The following KIRREL3 variants were observed in gnomAD, a reference collection of about 807,000 sequenced individuals.
KIRREL3 encodes the protein kirre like nephrin family adhesion molecule 3.
KIRREL3 carries 36 observed loss-of-function variants against 89.7 expected under a neutral mutation model. That is an observed-to-expected ratio of 0.40 (90% confidence interval 0.31 to 0.53). The LOEUF (loss-of-function observed/expected upper bound fraction) is 0.53, where lower values mean the gene tolerates loss of function less well. Among genes scored for constraint, KIRREL3 ranks in the 20% least tolerant of loss-of-function variants. The pLI is 0.49. For missense variants in KIRREL3, 864 were observed against 1,056.6 expected (o/e 0.82, Z 2.53); for synonymous variants, 445 against 441.4 (o/e 1.01, Z -0.10).
In KIRREL3 at chr11:126,943,261, C is replaced by T. The variant is rs1390809651; in HGVS notation, c.55+57194G>A. 6.6e-6 allele frequency among the ~76,000 whole-genome samples: 1 copy of T among 152,180 alleles called. No individual in the cohort carries two copies. The highest frequency in any genetic ancestry group is 6.5e-5 in the Admixed American group (1 of 15,276). On this transcript the variant is annotated intron_variant, in intron 1 of 16. Coordinates refer to ENST00000525144, the MANE Select transcript of KIRREL3 (RefSeq NM_032531.4). The surrounding 1 kb of genome is among the most constrained non-coding windows in gnomAD (Gnocchi z 4.2). ...TAAAACATTCACCGTCATTCTTTCT[C>T]TCTTCTCACTCACTCAATTACAGTT...
At chr11:126,497,728 C>T (rs74737023) in intron 4 of KIRREL3, among the ~76,000 whole-genome samples, 192 of 152,346 alleles carry the variant, frequency 1.3e-3, no homozygotes, top group African/African-American at 4.4e-3. Flanking sequence ...GAAGAAGCCA[C>T]GCCAGTGCAC....
chr11:126,449,174 G>A lies in KIRREL3; in HGVS notation c.849-17C>T, dbSNP rs370747604. The A allele has an allele frequency of 1.2e-4, 200 of 1,612,372 alleles. No individual in the cohort carries two copies. The African/African-American group carries it at 2.4e-3, about 19-fold the overall frequency. On this transcript the variant is annotated splice_polypyrimidine_tract_variant and intron_variant, in intron 7 of 16. Coordinates refer to ENST00000525144, the MANE Select transcript of KIRREL3 (RefSeq NM_032531.4). ...TTGGCCCACCTGCAACAAAGGCCAGGGGCTGATGTGGGCCTTGAGTGGCAA... is the reference window on the plus strand; with the variant it reads ...TTGGCCCACCTGCAACAAAGGCCAGAGGCTGATGTGGGCCTTGAGTGGCAA...
rs571816311 is a variant in KIRREL3 at position 126,826,707 on chromosome 11, G to A, written c.55+173748C>T. 2.0e-5 allele frequency among the ~76,000 whole-genome samples: 3 copies of A among 152,274 alleles called. No homozygotes were observed. In the South Asian group the frequency reaches 6.2e-4, roughly 32 times the overall value. ...GTTCTGTGTTCTGGTCTGCAGCAAGGTAGAAGCCTATGGGGTTTCAACCTG... is the reference window on the plus strand; with the variant it reads ...GTTCTGTGTTCTGGTCTGCAGCAAGATAGAAGCCTATGGGGTTTCAACCTG... On this transcript the variant is annotated intron_variant, in intron 1 of 16. Transcript: ENST00000525144.
chr11:126,442,738 GC>G (rs1338848990), intron 10 of KIRREL3, among the ~76,000 whole-genome samples: 5 of 152,228 alleles, frequency 3.3e-5, no homozygotes, highest in African/African-American at 7.2e-5. Flanking sequence ...CAGACAGTTC[GC>G]CCCCTGGCAG....
In KIRREL3 at chr11:126,990,117, G is replaced by C. The variant is rs1303809787; in HGVS notation, c.55+10338C>G. Among the ~76,000 whole-genome samples, 9 of 152,130 alleles carry C rather than the reference G, an allele frequency of 5.9e-5. No individual in the cohort carries two copies. The highest frequency in any genetic ancestry group is 8.8e-5 in the Non-Finnish European group (6 of 68,006). On this transcript the variant is annotated intron_variant, in intron 1 of 16. Coordinates refer to ENST00000525144, the MANE Select transcript of KIRREL3 (RefSeq NM_032531.4). This position sits in a 1 kb window ranked among gnomAD's most constrained non-coding sequence, Gnocchi z 6.3. The stretch of plus-strand genomic sequence containing the variant: ...GGCCTGGAGGCGGCTCTAGGGAGAG[G>C]TAGGGGCTCTGGGCTGGCGGTCCCC...
At chr11:126,633,772 C>T (rs1944148622) in intron 1 of KIRREL3, among the ~76,000 whole-genome samples, 2 of 152,196 alleles carry the variant, frequency 1.3e-5, no homozygotes, top group Non-Finnish European at 2.9e-5. Flanking sequence ...GTCTTGTCTT[C>T]CTTTTCCATC....
rs530293609 is a variant in KIRREL3 at position 126,436,879 on chromosome 11, G to C, written c.1484C>G (p.Thr495Ser). The C allele has an allele frequency of 1.8e-5, 29 of 1,613,726 alleles. 1 individual carries two copies. The South Asian group carries it at 2.9e-4, about 16-fold the overall frequency. The part of the protein sequence containing the change: ...ISNIVRADFQ[T>S]IYNCTAWNSF... ...GTTCCAGGCCGTGCAGTTGTAGATG[G>C]TCTGGAAGTCGGCCCGCACGATGTT... Residue 495 changes from threonine (T) to serine (S), a missense_variant, in exon 12 of 17, where the codon ACC becomes AGC. Physicochemically the swap from Thr to Ser is moderately conservative, Grantham distance 58. Transcript: ENST00000525144.
In KIRREL3 at chr11:126,829,858, G is replaced by A. The variant is rs75122081; in HGVS notation, c.55+170597C>T. 2.8e-3 allele frequency among the ~76,000 whole-genome samples: 425 copies of A among 152,298 alleles called. 1 individual carries two copies. Among genetic ancestry groups the A allele is most frequent in the African/African-American group, 9.4e-3 (392 of 41,562 alleles). ...TGTAACAGAGTCAGACAAGTGCGAC[G>A]GGAATGTAGAGGGAGGTTTTCAGAA... On this transcript the variant is annotated intron_variant, in intron 1 of 16. Coordinates refer to ENST00000525144, the MANE Select transcript of KIRREL3 (RefSeq NM_032531.4).
Position 126,677,853 on chromosome 11 carries a change from GA to G in KIRREL3, c.56-114942del, listed in dbSNP as rs1479736378. ...GAAGTGGCAGTGGCCTGAGCCCTCAGATACCTGGTGCCCTGGGAATGTTCCC... is the reference window on the plus strand; with the variant it reads ...GAAGTGGCAGTGGCCTGAGCCCTCAGTACCTGGTGCCCTGGGAATGTTCCC... On this transcript the variant is annotated intron_variant, in intron 1 of 16. Transcript: ENST00000525144. The surrounding 1 kb of genome is among the most constrained non-coding windows in gnomAD (Gnocchi z 5.1). 6.6e-6 allele frequency among the ~76,000 whole-genome samples: 1 copy of G among 152,144 alleles called. No homozygotes were observed. Among genetic ancestry groups the G allele is most frequent in the Non-Finnish European group, 1.5e-5 (1 of 68,014 alleles).
Position 126,431,271 on chromosome 11 carries a change from T to A in KIRREL3, c.1696+148A>T. The A allele has an allele frequency of 6.5e-7, 1 of 1,545,970 alleles. No homozygotes were observed. The highest frequency in any genetic ancestry group is 1.2e-5 in the South Asian group (1 of 83,860). ...TGTTGCCCAGGCTCACATACACCGA[T>A]GCATCAGACCCACTCCCTGCCCCAG... On this transcript the variant is annotated intron_variant, in intron 14 of 16. Coordinates refer to ENST00000525144, the MANE Select transcript of KIRREL3 (RefSeq NM_032531.4). The surrounding 1 kb of genome is among the most constrained non-coding windows in gnomAD (Gnocchi z 7.1).
chr11:126,958,820 CTCT>C (rs1948999399), intron 1 of KIRREL3, among the ~76,000 whole-genome samples: 1 of 152,170 alleles, frequency 6.6e-6, no homozygotes, highest in African/African-American at 2.4e-5. Context: ...CTTCTTCCTC[CTCT>C]AAGTGCCCCT....
chr11:126,933,579 C>G (rs1413551766), intron 1 of KIRREL3, among the ~76,000 whole-genome samples: 1 of 151,426 alleles, frequency 6.6e-6, no homozygotes, highest in African/African-American at 2.4e-5. Context: ...AAAAAAATCA[C>G]TAGAACTAAT....
At position 126,647,656 on chromosome 11, in the gene KIRREL3, C is replaced by T. The variant is rs1033892693; in HGVS notation, c.56-84744G>A. On this transcript the variant is annotated intron_variant, in intron 1 of 16. Transcript: ENST00000525144. This position sits in a 1 kb window ranked among gnomAD's most constrained non-coding sequence, Gnocchi z 4.9. Reference sequence around the variant, plus strand: ...TCTTCTTGCCCCTCCAAGGCTACCCCCTGGTCCAAGTCACTTGGACCCTGT... The same window carrying T: ...TCTTCTTGCCCCTCCAAGGCTACCCTCTGGTCCAAGTCACTTGGACCCTGT... 6.6e-6 allele frequency among the ~76,000 whole-genome samples: 1 copy of T among 152,200 alleles called. No individual in the cohort carries two copies. Among genetic ancestry groups the T allele is most frequent in the Non-Finnish European group, 1.5e-5 (1 of 68,038 alleles).
chr11:126,961,936 A>G (rs1037118048), intron 1 of KIRREL3, among the ~76,000 whole-genome samples: 5 of 152,252 alleles, frequency 3.3e-5, no homozygotes, highest in Non-Finnish European at 7.3e-5. Flanking sequence ...GCTGAAGGAC[A>G]GCACATCTGC....
intron 1 of KIRREL3, among the ~76,000 whole-genome samples, chr11:126,804,939 T>A (rs1951158918): frequency 6.6e-6 from 1 of 152,078 alleles, no homozygotes; most frequent in Non-Finnish European, 1.5e-5. Context: ...GGGGTTAAGA[T>A]CAGAGGGTGG....
In KIRREL3 at chr11:126,639,499, G is replaced by T. The variant is rs1410401508; in HGVS notation, c.56-76587C>A. ...AGCTCAATAAACCATTTCCAATGTG[G>T]CAGCTTCTAATCCAGGAGAGTTAAG... On this transcript the variant is annotated intron_variant, in intron 1 of 16. Transcript: ENST00000525144. The surrounding 1 kb of genome is among the most constrained non-coding windows in gnomAD (Gnocchi z 4.3). 2.4e-4 allele frequency among the ~76,000 whole-genome samples: 37 copies of T among 152,162 alleles called. No individual in the cohort carries two copies. The highest frequency in any genetic ancestry group is 2.4e-3 in the Admixed American group (37 of 15,278).
At chr11:126,469,816 C>A (rs987425549) in intron 5 of KIRREL3, among the ~76,000 whole-genome samples, 7 of 152,374 alleles carry the variant, frequency 4.6e-5, no homozygotes, top group African/African-American at 1.4e-4. Flanking sequence ...TCTGCTGCTC[C>A]CTGGACAAGC....
At chr11:126,934,921 T>A (rs1948116840) in intron 1 of KIRREL3, 3 of 152,086 alleles carry the variant, frequency 2.0e-5, no homozygotes, top group African/African-American at 7.2e-5. Context: ...TAGCTGGGCA[T>A]GGTGGCGGGT....
chr11:126,551,551 G>A lies in KIRREL3; in HGVS notation c.133+11284C>T, dbSNP rs531641048. 6.6e-6 allele frequency among the ~76,000 whole-genome samples: 1 copy of A among 152,030 alleles called. No homozygotes were observed. Among genetic ancestry groups the A allele is most frequent in the African/African-American group, 2.4e-5 (1 of 41,458 alleles). On this transcript the variant is annotated intron_variant, in intron 2 of 16. Coordinates refer to ENST00000525144, the MANE Select transcript of KIRREL3 (RefSeq NM_032531.4). This position sits in a 1 kb window ranked among gnomAD's most constrained non-coding sequence, Gnocchi z 4.9. ...GGCCATGCCCTGACTTTCAACCACT[G>A]ATCCCTTACAGCAAAAGAATATATA...
Sources: allele counts gnomAD v4.1 joint callset (sites outside exome capture counted in the v4.1 genomes callset), GRCh38; gene constraint gnomAD v4.1.1; non-coding constraint Gnocchi (gnomAD v3.1); transcripts MANE v1.5; gene names NCBI Gene and HGNC (gene_info 2026-07-23, HGNC 2026-07-21).